The following TENM4 variants were observed in gnomAD, a reference collection of about 807,000 sequenced individuals.
TENM4 encodes the protein teneurin transmembrane protein 4.
A neutral mutation model predicts 243.3 loss-of-function variants in TENM4; 82 were observed. The observed-to-expected ratio is 0.34, with a 90% CI of 0.28 to 0.40. The LOEUF (loss-of-function observed/expected upper bound fraction) is 0.40, where lower values mean the gene tolerates loss of function less well. Among genes scored for constraint, TENM4 ranks in the 10% least tolerant of loss-of-function variants. The pLI is 1.00. For synonymous variants in TENM4, 1,412 were observed against 1,456.3 expected (o/e 0.97, Z 0.69); for missense variants, 3,138 against 3,673.3 (o/e 0.85, Z 3.77).
At chr11:79,360,032 A>C (rs1042050844) in intron 1 of TENM4, among the ~76,000 whole-genome samples, 12 of 152,214 alleles carry the variant, frequency 7.9e-5, no homozygotes, top group African/African-American at 2.7e-4. Context: ...CATCAGCATC[A>C]AAGTCTCTTC....
chr11:78,880,142 C>CTA (rs199954867), intron 9 of TENM4, among the ~76,000 whole-genome samples: 2,346 of 152,316 alleles, frequency 0.015, 72 homozygotes, highest in African/African-American at 0.054. Context: ...TGCTGTTAAT[C>CTA]TATAACCTTA....
chr11:79,247,416 C>CAAAAAA (rs34265803), intron 2 of TENM4, among the ~76,000 whole-genome samples: 1 of 81,364 alleles, frequency 1.2e-5, no homozygotes, highest in Non-Finnish European at 2.4e-5. Context: ...GACTCTGTCT[C>CAAAAAA]AAAAAAAAAA....
chr11:79,280,732 G>A (rs1419992271), intron 2 of TENM4, among the ~76,000 whole-genome samples: 2 of 152,086 alleles, frequency 1.3e-5, no homozygotes, highest in East Asian at 1.9e-4. Context: ...ACATCATTAA[G>A]GACATATCTC....
chr11:79,319,039 G>T (rs144534638), intron 1 of TENM4, among the ~76,000 whole-genome samples: 1 of 152,312 alleles, frequency 6.6e-6, no homozygotes, highest in East Asian at 1.9e-4. Context: ...AGTGCTGAAA[G>T]CTTTGCCTGC....
chr11:79,248,032 C>T (rs1053934918), intron 2 of TENM4, among the ~76,000 whole-genome samples: 1 of 152,158 alleles, frequency 6.6e-6, no homozygotes, highest in African/African-American at 2.4e-5. Context: ...ACACGCAGGG[C>T]TGGCCATCCA....
intron 4 of TENM4, among the ~76,000 whole-genome samples, chr11:79,138,986 C>T (rs182375103): frequency 3.0e-5 from 1 of 33,830 alleles, no homozygotes; most frequent in Non-Finnish European, 7.3e-5. Flanking sequence ...TATTATATTT[C>T]TATAAATATA....
intron 1 of TENM4, among the ~76,000 whole-genome samples, chr11:79,375,470 T>C (rs188711027): frequency 2.6e-4 from 39 of 152,324 alleles, no homozygotes; most frequent in African/African-American, 8.9e-4. Flanking sequence ...TAATAAACTT[T>C]TCTAATTTAA....
intron 26 of TENM4, among the ~76,000 whole-genome samples, chr11:78,712,122 A>G (rs771598855): frequency 8.5e-5 from 13 of 152,176 alleles, no homozygotes; most frequent in Non-Finnish European, 1.6e-4. Flanking sequence ...TGGGACATCC[A>G]TTTGCTGGAA....
chr11:79,306,581 T>A lies in TENM4; in HGVS notation c.-320-9038A>T, dbSNP rs1022581842. Among the ~76,000 whole-genome samples the A allele has an allele frequency of 2.0e-5, 3 of 152,258 alleles. No homozygotes were observed. The South Asian group carries it at 6.2e-4, about 32-fold the overall frequency. On this transcript the variant is annotated intron_variant, in intron 1 of 33. Coordinates refer to ENST00000278550, the MANE Select transcript of TENM4 (RefSeq NM_001098816.3). ...TGAGGTCACTTTCTATTTTCTTCCC[T>A]AAGGCAAGAAATGGTCACATAAGGA...
chr11:78,892,486 T>G (rs1855690985), intron 7 of TENM4, among the ~76,000 whole-genome samples: 2 of 152,228 alleles, frequency 1.3e-5, no homozygotes, highest in Non-Finnish European at 2.9e-5. Context: ...TCTCTTCCTG[T>G]GCAACTTTGG....
rs140210469 is a variant in TENM4 at position 79,200,808 on chromosome 11, C to G, written c.-163+15000G>C. 4.3e-3 allele frequency among the ~76,000 whole-genome samples: 650 copies of G among 152,266 alleles called. 6 individuals carry two copies. Among genetic ancestry groups the G allele is most frequent in the African/African-American group, 0.015 (618 of 41,550 alleles). The stretch of plus-strand genomic sequence containing the variant: ...TTTGCCTGTCACTAGTAGTTTCTGT[C>G]CATACTAGGGGATTATTATGCCCTG... On this transcript the variant is annotated intron_variant, in intron 3 of 33. Coordinates refer to ENST00000278550, the MANE Select transcript of TENM4 (RefSeq NM_001098816.3).
chr11:79,436,446 A>G (rs1242732762), intron 1 of TENM4, among the ~76,000 whole-genome samples: 2 of 152,246 alleles, frequency 1.3e-5, no homozygotes, highest in African/African-American at 4.8e-5. Flanking sequence ...CTAAGGCCAC[A>G]GAGCCATGAT....
At chr11:78,977,658 C>T (rs1857692958) in intron 6 of TENM4, among the ~76,000 whole-genome samples, 1 of 152,180 alleles carries the variant, frequency 6.6e-6, no homozygotes, top group Admixed American at 6.5e-5. Flanking sequence ...AATGAAATAC[C>T]ATCTCACGCC....
intron 12 of TENM4, among the ~76,000 whole-genome samples, chr11:78,834,972 C>G (rs1377522324): frequency 6.6e-6 from 1 of 152,184 alleles, no homozygotes; most frequent in East Asian, 1.9e-4. Flanking sequence ...TTCCGTGTCT[C>G]CACACTGCTA....
At chr11:78,770,887 G>A in intron 18 of TENM4, 105 bp downstream of exon 18, 1 of 1,456,814 alleles carries the variant, frequency 6.9e-7, no homozygotes, top group South Asian at 1.3e-5. Context: ...CCCCTGACTG[G>A]ATGACTGGTG....
At chr11:79,333,872 G>A (rs1223180264) in intron 1 of TENM4, among the ~76,000 whole-genome samples, 2 of 152,194 alleles carry the variant, frequency 1.3e-5, no homozygotes, top group African/African-American at 4.8e-5. Flanking sequence ...GCTGAGATGT[G>A]AGCTCAAGGC....
intron 6 of TENM4, among the ~76,000 whole-genome samples, chr11:79,047,479 T>G (rs1859687106): frequency 6.6e-6 from 1 of 152,214 alleles, no homozygotes; most frequent in Non-Finnish European, 1.5e-5. Flanking sequence ...GCTGGTGCAA[T>G]GACAGCAGCT....
chr11:78,901,870 C>A (rs1403186561), intron 7 of TENM4, among the ~76,000 whole-genome samples: 1 of 152,158 alleles, frequency 6.6e-6, no homozygotes, highest in Non-Finnish European at 1.5e-5. Flanking sequence ...TGGGCTGCAT[C>A]TCTAAGAATT....
chr11:78,743,101 T>C (rs755866628), intron 19 of TENM4, among the ~76,000 whole-genome samples: 3 of 152,230 alleles, frequency 2.0e-5, no homozygotes, highest in Non-Finnish European at 4.4e-5. Flanking sequence ...GCAGCCCTAC[T>C]GCACGTGGCT....
Sources: gnomAD v4.1 joint callset for allele counts (sites outside exome capture counted in the v4.1 genomes callset) on GRCh38, gnomAD v4.1.1 for gene constraint, MANE v1.5 for transcripts, NCBI Gene and HGNC (gene_info 2026-07-23, HGNC 2026-07-21) for gene names.